CAMTA1: variants seen among roughly 807,000 people sequenced by gnomAD.
The protein encoded by CAMTA1 is calmodulin-binding transcription activator 1.
A neutral mutation model predicts 170.9 loss-of-function variants in CAMTA1; 27 were observed. The ratio of observed to expected loss-of-function variants is 0.16; its 90% CI spans 0.12 to 0.22. CAMTA1 has a LOEUF of 0.22. Ranked by LOEUF, CAMTA1 falls within the 10% of genes least tolerant of loss-of-function variation. The pLI, the probability that CAMTA1 is intolerant of heterozygous loss-of-function variation, is 1.00. For synonymous variants in CAMTA1, 833 were observed against 891.5 expected (o/e 0.93, Z 1.17); for missense variants, 1,619 against 2,217.2 (o/e 0.73, Z 5.42).
chr1:7,242,120 C>T (rs1359383873), intron 4 of CAMTA1, among the ~76,000 whole-genome samples: 1 of 152,138 alleles, frequency 6.6e-6, no homozygotes, highest in Non-Finnish European at 1.5e-5. Flanking sequence ...AAGAAGGCAA[C>T]TCAATTAAAA....
chr1:7,304,638 C>T (rs1446808159), intron 5 of CAMTA1, among the ~76,000 whole-genome samples: 2 of 150,654 alleles, frequency 1.3e-5, no homozygotes, highest in South Asian at 2.1e-4. Context: ...ATGGCTCTTA[C>T]AGTTTTACTT....
intron 3 of CAMTA1, among the ~76,000 whole-genome samples, chr1:7,049,321 G>A (rs1359979446): frequency 3.3e-5 from 5 of 151,570 alleles, no homozygotes; most frequent in African/African-American, 1.2e-4. Flanking sequence ...AGGCCAGGGG[G>A]TGCAGGGCCT....
intron 5 of CAMTA1, among the ~76,000 whole-genome samples, chr1:7,398,185 CTCTCTCTCTATATATATA>C (rs1258834575): frequency 1.5e-3 from 72 of 46,504 alleles, no homozygotes; most frequent in African/African-American, 5.4e-3. Flanking sequence ...CTCTCTCTCT[CTCTCTCTCTATATATATA>C]TATATATATA....
At position 7,263,339 on chromosome 1, in the gene CAMTA1, A is replaced by T. The variant is rs374893510; in HGVS notation, c.438+13713A>T. ...TGACATATTGTGAATGGACTGAATT[A>T]TAACAAAACCAGAAATGAAACAGAG... On this transcript the variant is annotated intron_variant, in intron 5 of 22. Transcript: ENST00000303635. Among the ~76,000 whole-genome samples the T allele has an allele frequency of 9.8e-5, 15 of 152,352 alleles. No individual in the cohort carries two copies. In the South Asian group the frequency reaches 3.1e-3, roughly 32 times the overall value.
intron 4 of CAMTA1, among the ~76,000 whole-genome samples, chr1:7,096,244 C>T (rs571924404): frequency 6.6e-6 from 1 of 152,284 alleles, no homozygotes; most frequent in South Asian, 2.1e-4. Flanking sequence ...AGAGCTTCCA[C>T]TCTCCTCCTC....
At chr1:7,655,283 T>TACAC (rs144411155) in intron 7 of CAMTA1, among the ~76,000 whole-genome samples, 2 of 49,312 alleles carry the variant, frequency 4.1e-5, no homozygotes, top group African/African-American at 6.0e-5. Flanking sequence ...CACACCGTTA[T>TACAC]ACACACACAC....
intron 3 of CAMTA1, among the ~76,000 whole-genome samples, chr1:7,034,951 A>T (rs1489322826): frequency 1.3e-5 from 2 of 152,210 alleles, no homozygotes; most frequent in African/African-American, 4.8e-5. Context: ...TTGGCATTCC[A>T]TGAAAAAAGT....
At chr1:7,706,273 A>T (rs981298193) in intron 11 of CAMTA1, among the ~76,000 whole-genome samples, 8 of 152,226 alleles carry the variant, frequency 5.3e-5, no homozygotes, top group African/African-American at 1.9e-4. Flanking sequence ...AACTACAGAA[A>T]TGCCTCCTGT....
rs1004573491 is a variant in CAMTA1, at chr1:7,534,231, C to T, written c.510+66330C>T. Among the ~76,000 whole-genome samples, 5 of 152,176 alleles carry T rather than the reference C, an allele frequency of 3.3e-5. No individual in the cohort carries two copies. The highest frequency in any genetic ancestry group is 1.3e-4 in the Admixed American group (2 of 15,284). On this transcript the variant is annotated intron_variant, in intron 6 of 22. Transcript: ENST00000303635. The surrounding 1 kb of genome is among the most constrained non-coding windows in gnomAD (Gnocchi z 5.6). ...AAGAAATCCATTAGTCTTTCCTTTC[C>T]GTGAGAAACATCATAACGTTCAGCA...
At chr1:7,106,063 T>C (rs1464076560) in intron 4 of CAMTA1, among the ~76,000 whole-genome samples, 2 of 152,254 alleles carry the variant, frequency 1.3e-5, no homozygotes, top group Non-Finnish European at 2.9e-5. Flanking sequence ...AGTTATCTTA[T>C]TTCTTTTAGA....
chr1:7,370,914 C>CTTTTTTTTTTTTTTTTTTTTTTTTTTT (rs61387662), intron 5 of CAMTA1, among the ~76,000 whole-genome samples: 2 of 110,010 alleles, frequency 1.8e-5, no homozygotes, highest in Non-Finnish European at 1.7e-5. Context: ...TTCTTTCTTT[C>CTTTTTTTTTTTTTTTTTTTTTTTTTTT]TTTTTTTTTT....
chr1:7,242,752 C>A (rs1665083963), intron 4 of CAMTA1, among the ~76,000 whole-genome samples: 1 of 149,532 alleles, frequency 6.7e-6, no homozygotes, highest in African/African-American at 2.5e-5. Flanking sequence ...CACAGTGAAA[C>A]CCCGTCTCTA....
At chr1:7,357,783 C>T (rs892203946) in intron 5 of CAMTA1, among the ~76,000 whole-genome samples, 2 of 152,228 alleles carry the variant, frequency 1.3e-5, no homozygotes, top group African/African-American at 4.8e-5. Flanking sequence ...ATGGGGCCTG[C>T]TCCTTTTGAT....
intron 6 of CAMTA1, among the ~76,000 whole-genome samples, chr1:7,549,352 G>A (rs560937280): frequency 4.6e-4 from 70 of 152,148 alleles, no homozygotes; most frequent in African/African-American, 1.6e-3. Context: ...TTTTCTTCCG[G>A]GTTGACCTTG....
chr1:6,899,464 C>T (rs562700340), intron 3 of CAMTA1, among the ~76,000 whole-genome samples: 30 of 152,316 alleles, frequency 2.0e-4, no homozygotes, highest in African/African-American at 7.0e-4. Context: ...TCAGCAATCA[C>T]TTGCCTTGCA....
intron 6 of CAMTA1, among the ~76,000 whole-genome samples, chr1:7,513,308 G>A (rs940676103): frequency 6.6e-6 from 1 of 152,170 alleles, no homozygotes; most frequent in Admixed American, 6.5e-5. Context: ...ATGGCAGCTG[G>A]GTGGGGTCAG....
intron 5 of CAMTA1, among the ~76,000 whole-genome samples, chr1:7,391,751 AATC>A (rs1233980385): frequency 7.2e-5 from 11 of 152,220 alleles, no homozygotes; most frequent in Admixed American, 7.2e-4. Flanking sequence ...ATATAAATGA[AATC>A]ATACAGGATG....
intron 6 of CAMTA1, among the ~76,000 whole-genome samples, chr1:7,602,141 T>G (rs2095451735): frequency 1.5e-5 from 2 of 137,000 alleles, no homozygotes; most frequent in African/African-American, 6.1e-5. Flanking sequence ...CCTTCCTTCC[T>G]TCCTCCCTCC....
intron 6 of CAMTA1, among the ~76,000 whole-genome samples, chr1:7,507,874 CGGT>C (rs2094144435): frequency 6.6e-6 from 1 of 152,196 alleles, no homozygotes; most frequent in African/African-American, 2.4e-5. Context: ...GCTGGGCACT[CGGT>C]GGCCTCCCTG....
Sources: allele counts gnomAD v4.1 joint callset (sites outside exome capture counted in the v4.1 genomes callset), GRCh38; gene constraint gnomAD v4.1.1; non-coding constraint Gnocchi (gnomAD v3.1); transcripts MANE v1.5; gene names NCBI Gene and HGNC (gene_info 2026-07-23, HGNC 2026-07-21).